SYNRG: variants seen among roughly 807,000 people sequenced by gnomAD.
SYNRG encodes AP1 gamma subunit binding protein 1.
Under a neutral mutation model 130.9 loss-of-function variants are expected in SYNRG, and 37 were observed. That is an observed-to-expected ratio of 0.28 (90% CI 0.22 to 0.37). The LOEUF is 0.37. Among genes scored for constraint, SYNRG ranks in the 10% least tolerant of loss-of-function variants. The probability of loss-of-function intolerance (pLI) is 1.00; values close to 1 mark genes in which losing one functional copy is unlikely to be tolerated. For synonymous variants in SYNRG, 539 were observed against 568.1 expected, an observed-to-expected ratio of 0.95 and a Z score of 0.73; for missense variants, 1,338 against 1,588.9, an observed-to-expected ratio of 0.84 and a Z score of 2.68.
chr17:37,600,609 A>G (rs552843570), intron 1 of SYNRG: 22 of 693,332 alleles, frequency 3.2e-5, no homozygotes, highest in South Asian at 2.9e-4. Flanking sequence ...TGTTGAAACA[A>G]AAGACAGAAG....
chr17:37,586,375 C>A, intron 4 of SYNRG, 44 bp downstream of exon 4: 3 of 1,609,524 alleles, frequency 1.9e-6, no homozygotes, highest in Non-Finnish European at 2.5e-6. Context: ...AAGATAGATG[C>A]TATAATGTAT....
At position 37,570,883 on chromosome 17, in the gene SYNRG, C is replaced by T. The variant is rs778551634; in HGVS notation, c.1101G>A (p.Arg367=). The T allele has an allele frequency of 2.5e-6, 4 of 1,611,418 alleles. No individual in the cohort carries two copies. The highest frequency in any genetic ancestry group is 2.2e-5 in the East Asian group (1 of 44,812). ...TVLAMIAVTQ[R]GVPAMSPDAL... is the part of the protein sequence containing the mutation. ...CATCAGGACTCATTGCAGGAACGCC[C>T]CTCTACAAATGATAGAAAGAAAATG... Residue 367 remains arginine (R), a splice_region_variant and synonymous_variant, in exon 10 of 22, where the codon AGG becomes AGA. Coordinates refer to ENST00000612223, the MANE Select transcript of SYNRG (RefSeq NM_007247.6).
intron 13 of SYNRG, among the ~76,000 whole-genome samples, chr17:37,556,035 C>T (rs940962437): frequency 1.1e-4 from 17 of 152,236 alleles, no homozygotes; most frequent in African/African-American, 4.1e-4. Context: ...TTTCCTCACC[C>T]ATTTTTAAAA....
intron 19 of SYNRG, among the ~76,000 whole-genome samples, chr17:37,532,488 C>T (rs1418217886): frequency 2.6e-5 from 4 of 151,976 alleles, no homozygotes; most frequent in Admixed American, 1.3e-4. Context: ...GCCTGGCCAA[C>T]AGGGTGAAAC....
At position 37,553,258 on chromosome 17, in the gene SYNRG, C is replaced by A. The variant is rs147617282; in HGVS notation, c.2465G>T (p.Ser822Ile). 2 of 1,613,946 alleles carry A rather than the reference C, an allele frequency of 1.2e-6. No homozygotes were observed. The highest frequency in any genetic ancestry group is 2.2e-5 in the East Asian group (1 of 44,890). ...SLDLPSIGGS[S>I]VGKEDSEDAL... The stretch of plus-strand genomic sequence containing the variant: ...ATCTTCAGAGTCCTCCTTGCCAACA[C>A]TGCTGCCACCAATGGAAGGGAGATC... Residue 822 changes from serine to isoleucine, a missense_variant, in exon 14 of 22, where the codon AGT (serine) becomes ATT (isoleucine). Around this residue, in one of 3 missense-constraint regions of SYNRG, gnomAD observed 1,146 missense variants for 1,342.3 expected, o/e 0.85. Coordinates refer to ENST00000612223, the MANE Select transcript of SYNRG (RefSeq NM_007247.6).
intron 2 of SYNRG, among the ~76,000 whole-genome samples, chr17:37,598,989 G>A (rs1393156931): frequency 6.6e-6 from 1 of 152,156 alleles, no homozygotes; most frequent in Non-Finnish European, 1.5e-5. Context: ...GAATACAACT[G>A]AGCCTTGGAA....
intron 19 of SYNRG, among the ~76,000 whole-genome samples, chr17:37,527,593 G>GA (rs1231445566): frequency 6.6e-6 from 1 of 151,838 alleles, no homozygotes; most frequent in African/African-American, 2.4e-5. Flanking sequence ...GGAAAAAATA[G>GA]AAAAAAACAA....
intron 1 of SYNRG, among the ~76,000 whole-genome samples, 162 bp downstream of exon 1, chr17:37,609,117 T>C (rs2064144452): frequency 6.6e-6 from 1 of 151,904 alleles, no homozygotes; most frequent in African/African-American, 2.4e-5. Context: ...GCACCTGGGC[T>C]CCACACGCCC....
chr17:37,537,615 G>C (rs1413024955), intron 18 of SYNRG: 1 of 152,230 alleles, frequency 6.6e-6, no homozygotes, highest in Non-Finnish European at 1.5e-5. Flanking sequence ...GGGTGACAGA[G>C]TGTGAACCTG....
intron 13 of SYNRG, among the ~76,000 whole-genome samples, chr17:37,555,622 C>T (rs11871148): frequency 0.016 from 2,488 of 152,188 alleles, 64 homozygotes; most frequent in African/African-American, 0.057. Flanking sequence ...ATGCCAAGGC[C>T]GAACACAGTG....
At chr17:37,525,686 T>G (rs2055756974) in intron 19 of SYNRG, among the ~76,000 whole-genome samples, 1 of 150,540 alleles carries the variant, frequency 6.6e-6, no homozygotes, top group Non-Finnish European at 1.5e-5. Flanking sequence ...TACAAAAAAA[T>G]GCCGGGAGCG....
chr17:37,564,345 G>C (rs1291853945), intron 11 of SYNRG, among the ~76,000 whole-genome samples: 1 of 152,086 alleles, frequency 6.6e-6, no homozygotes, highest in Non-Finnish European at 1.5e-5. Context: ...ACCGAGTCTA[G>C]CCAATTTCTC....
At chr17:37,566,049 G>A (rs1170951777) in intron 11 of SYNRG, among the ~76,000 whole-genome samples, 15 of 150,362 alleles carry the variant, frequency 1.0e-4, no homozygotes, top group Admixed American at 2.6e-4. Context: ...CGTCCCGTCC[G>A]GGAGGTGAGG....
chr17:37,526,396 T>G (rs2055921001), intron 19 of SYNRG, among the ~76,000 whole-genome samples: 1 of 152,376 alleles, frequency 6.6e-6, no homozygotes, highest in East Asian at 1.9e-4. Context: ...CTAATTTGAC[T>G]GATACAAAGG....
chr17:37,607,704 G>A (rs1038696295), intron 1 of SYNRG, among the ~76,000 whole-genome samples: 4 of 152,196 alleles, frequency 2.6e-5, no homozygotes, highest in Admixed American at 2.0e-4. Context: ...CAGAAGAATC[G>A]CTTGAACCCG....
At chr17:37,538,472 A>G in intron 17 of SYNRG, 52 bp from the exon 18 acceptor site, 4 of 1,338,170 alleles carry the variant, frequency 3.0e-6, no homozygotes, top group Non-Finnish European at 4.2e-6. Flanking sequence ...AGTCATTGCA[A>G]ATCAATTTAC....
intron 1 of SYNRG, chr17:37,600,700 G>A (rs894451612): frequency 1.8e-5 from 9 of 503,532 alleles, no homozygotes; most frequent in Non-Finnish European, 2.5e-5. Context: ...AGAGAGTTTA[G>A]ATTCAATTCA....
At chr17:37,608,930 G>C (rs1422153366) in intron 1 of SYNRG, among the ~76,000 whole-genome samples, 2 of 152,112 alleles carry the variant, frequency 1.3e-5, no homozygotes, top group East Asian at 1.9e-4. Context: ...GGAAGACCCT[G>C]GTCGCTTCAG....
At chr17:37,600,325 G>T (rs761146513) in intron 2 of SYNRG, 38 bp downstream of exon 2, 14 of 1,536,152 alleles carry the variant, frequency 9.1e-6, no homozygotes, top group Non-Finnish European at 1.2e-5. Context: ...AAACACAAGA[G>T]TGAAAAATAA....
Sources: allele counts gnomAD v4.1 joint callset (sites outside exome capture counted in the v4.1 genomes callset), GRCh38; gene constraint gnomAD v4.1.1; regional missense constraint gnomAD v4.1.1; transcripts MANE v1.5; gene names NCBI Gene and HGNC (gene_info 2026-07-23, HGNC 2026-07-21).